The following MROH9 variants were observed in gnomAD, a reference collection of about 807,000 sequenced individuals.
MROH9 encodes the protein maestro heat-like repeat-containing protein family member 9.
A neutral mutation model predicts 98.2 loss-of-function variants in MROH9; 92 were observed. The ratio of observed to expected loss-of-function variants is 0.94; its 90% CI spans 0.79 to 1.11. The LOEUF (loss-of-function observed/expected upper bound fraction) is 1.11. Among genes scored for constraint, MROH9 ranks in the 50% most tolerant of loss-of-function variants. The pLI, the probability that MROH9 is intolerant of heterozygous loss-of-function variation, is 0.00. For missense variants in MROH9, 1,057 were observed against 1,014.8 expected, an observed-to-expected ratio of 1.04 and a Z score of -0.57; for synonymous variants, 397 against 368.9, an observed-to-expected ratio of 1.08 and a Z score of -0.87.
chr1:171,001,108 A>G (rs1354944049), intron 15 of MROH9, among the ~76,000 whole-genome samples: 7 of 151,742 alleles, frequency 4.6e-5, no homozygotes, highest in Non-Finnish European at 8.8e-5. Context: ...TTTCTTAGTG[A>G]GATTATTTGG....
chr1:170,995,664 C>T, intron 13 of MROH9, 133 bp downstream of exon 13: 1 of 1,046,704 alleles, frequency 9.6e-7, no homozygotes, highest in Non-Finnish European at 1.4e-6. Context: ...AGTTTTCTCT[C>T]CTCTGAATGG....
At chr1:171,060,262 G>T (rs892433806) in intron 20 of MROH9, among the ~76,000 whole-genome samples, 1 of 151,886 alleles carries the variant, frequency 6.6e-6, no homozygotes, top group African/African-American at 2.4e-5. Context: ...CATAAAACAG[G>T]GAAACATACA....
intron 17 of MROH9, among the ~76,000 whole-genome samples, chr1:171,017,179 C>T (rs572000935): frequency 2.6e-5 from 4 of 152,168 alleles, no homozygotes; most frequent in Non-Finnish European, 4.4e-5. Context: ...CAGCAGCATC[C>T]GGAAGCTGCC....
At chr1:171,039,310 C>A (rs1449510038) in intron 20 of MROH9, among the ~76,000 whole-genome samples, 2 of 152,056 alleles carry the variant, frequency 1.3e-5, no homozygotes, top group Non-Finnish European at 1.5e-5. Context: ...AAGAACAATC[C>A]AAATATAACT....
In MROH9 at chr1:170,947,528, G is replaced by C. The variant is rs1165939099; in HGVS notation, c.27G>C (p.Lys9Asn). 3.7e-6 allele frequency: 6 copies of C among 1,610,574 alleles called. No individual in the cohort carries two copies. The highest frequency in any genetic ancestry group is 3.3e-4 in the Middle Eastern group (2 of 6,058). Residue 9 changes from lysine (K) to asparagine (N), a missense_variant and splice_region_variant, in exon 3 of 22, where the codon AAG (lysine) becomes AAC (asparagine). By Grantham distance (94) the Lys-to-Asn change is moderately conservative. Transcript: ENST00000367759. The stretch of plus-strand genomic sequence containing the variant: ...ACGAATCTCCTTCTTTCTGGCTAGA[G>C]AGTAGTCTCCAGATTCTGCAAGACA... MLTRNPKTKSSLQILQDSV... is the reference protein window; with the variant it reads MLTRNPKTNSSLQILQDSV...
intron 8 of MROH9, among the ~76,000 whole-genome samples, chr1:170,983,159 G>T (rs539531291): frequency 5.5e-4 from 84 of 152,140 alleles, no homozygotes; most frequent in African/African-American, 2.0e-3. Context: ...TGCATTTGAT[G>T]GTCTATATAT....
At chr1:170,970,731 TGA>T (rs1199063303) in intron 7 of MROH9, among the ~76,000 whole-genome samples, 162 of 90,800 alleles carry the variant, frequency 1.8e-3, no homozygotes, top group African/African-American at 3.2e-3. Flanking sequence ...TGTGTGTGTG[TGA>T]GAGAGAGAGA....
At chr1:171,009,990 G>A (rs950759037) in intron 15 of MROH9, among the ~76,000 whole-genome samples, 8 of 152,002 alleles carry the variant, frequency 5.3e-5, no homozygotes, top group Non-Finnish European at 1.2e-4. Context: ...GGGTACATGT[G>A]CAGAATGTGC....
At chr1:170,985,153 A>G (rs1361224035) in intron 9 of MROH9, among the ~76,000 whole-genome samples, 1 of 152,224 alleles carries the variant, frequency 6.6e-6, no homozygotes, top group Non-Finnish European at 1.5e-5. Context: ...ATGTTTATAT[A>G]TGTTCATACC....
intron 8 of MROH9, among the ~76,000 whole-genome samples, chr1:170,978,211 G>C (rs1650791309): frequency 6.6e-6 from 1 of 152,070 alleles, no homozygotes; most frequent in South Asian, 2.1e-4. Flanking sequence ...TGGAGAGCAG[G>C]GGTTCAAAGG....
intron 9 of MROH9, 121 bp from the exon 10 acceptor site, chr1:170,986,440 T>C (rs1046983513): frequency 9.4e-6 from 8 of 852,584 alleles, no homozygotes; most frequent in Non-Finnish European, 1.1e-5. Context: ...AAGATGTATA[T>C]GGCCCACGGA....
In MROH9 at chr1:170,961,902, A is replaced by C. The variant is rs1271127827; in HGVS notation, c.301A>C (p.Asn101His). The change falls in exon 6 of 22, where the codon AAT becomes CAT. Residue 101 changes from asparagine (N) to histidine (H), a missense_variant. Transcript: ENST00000367759. ...TTTTGTGTTTCAGAATTTATACCAC[A>C]ATATTTTAAATATATATGAGAACAT... ...YIEDMENLYH[N>H]ILNIYENILT... The C allele has an allele frequency of 1.3e-6, 2 of 1,490,882 alleles. No individual in the cohort carries two copies. The highest frequency in any genetic ancestry group is 2.6e-5 in the South Asian group (2 of 77,360). The allele number at this position is 1,490,882 out of a possible 1,614,324, so 92.4% of individuals were successfully genotyped here. A position where few individuals can be genotyped will look rare whatever the true frequency, so the allele number is the denominator to read the frequency against.
At chr1:170,963,274 A>G (rs1197178827) in intron 6 of MROH9, among the ~76,000 whole-genome samples, 3 of 152,174 alleles carry the variant, frequency 2.0e-5, no homozygotes, top group Non-Finnish European at 4.4e-5. Context: ...CAAAACCACA[A>G]TGAGATACCA....
chr1:171,027,239 G>T (rs1326427205), intron 20 of MROH9, among the ~76,000 whole-genome samples: 1 of 152,090 alleles, frequency 6.6e-6, no homozygotes, highest in African/African-American at 2.4e-5. Context: ...GGTGTATGTT[G>T]TTCCCCTCCC....
chr1:170,972,324 G>A (rs1236019988), intron 8 of MROH9, among the ~76,000 whole-genome samples: 1 of 152,130 alleles, frequency 6.6e-6, no homozygotes, highest in South Asian at 2.1e-4. Context: ...AAGCATAAAA[G>A]CAAGACCTGA....
chr1:170,963,538 C>T (rs1203035047), intron 6 of MROH9, among the ~76,000 whole-genome samples: 1 of 152,012 alleles, frequency 6.6e-6, no homozygotes, highest in Non-Finnish European at 1.5e-5. Flanking sequence ...CACACATATA[C>T]TTGTTGCAGC....
At chr1:170,973,601 C>T (rs189477569) in intron 8 of MROH9, among the ~76,000 whole-genome samples, 1 of 152,212 alleles carries the variant, frequency 6.6e-6, no homozygotes, top group Admixed American at 6.5e-5. Context: ...TTAGGTTGGG[C>T]ACGGTGGCTC....
chr1:171,034,412 A>G (rs542221233), intron 20 of MROH9, among the ~76,000 whole-genome samples: 2 of 152,324 alleles, frequency 1.3e-5, no homozygotes, highest in Admixed American at 6.5e-5. Context: ...TCATCTGCCA[A>G]TCAAGTCTCT....
At chr1:171,016,121 T>C in intron 16 of MROH9, 42 bp from the exon 17 acceptor site, 1 of 1,331,360 alleles carries the variant, frequency 7.5e-7, no homozygotes, top group Non-Finnish European at 9.8e-7. Flanking sequence ...TCAAGTCTCC[T>C]GCTAGTTCCT....
Sources: allele counts gnomAD v4.1 joint callset (sites outside exome capture counted in the v4.1 genomes callset), GRCh38; gene constraint gnomAD v4.1.1; transcripts MANE v1.5; gene names NCBI Gene and HGNC (gene_info 2026-07-23, HGNC 2026-07-21).